Variants in HDAC4 observed in about 807,000 individuals in gnomAD.
HDAC4 encodes the protein histone deacetylase 4.
A neutral mutation model predicts 135.1 loss-of-function variants in HDAC4; 16 were observed. That is an observed-to-expected ratio of 0.12 (90% CI 0.08 to 0.18). HDAC4 has a LOEUF of 0.18. HDAC4 is among the 10% of genes least tolerant of loss of function. The pLI is 1.00. For synonymous variants in HDAC4, 685 were observed against 653.4 expected (o/e 1.05, Z -0.74); for missense variants, 1,143 against 1,511.8 (o/e 0.76, Z 4.05).
intron 3 of HDAC4, among the ~76,000 whole-genome samples, chr2:239,193,476 G>A (rs529923596): frequency 2.6e-5 from 4 of 152,376 alleles, no homozygotes; most frequent in South Asian, 2.1e-4. Context: ...CTGGGGCGCC[G>A]AGGAGCACAG....
chr2:239,175,342 C>T (rs2043692557), intron 5 of HDAC4, among the ~76,000 whole-genome samples: 1 of 152,224 alleles, frequency 6.6e-6, no homozygotes, highest in Non-Finnish European at 1.5e-5. Flanking sequence ...ACCCCGGGGA[C>T]ACGCCAGGGC....
At chr2:239,152,430 G>A (rs2042171177) in intron 7 of HDAC4, among the ~76,000 whole-genome samples, 1 of 152,244 alleles carries the variant, frequency 6.6e-6, no homozygotes, top group Non-Finnish European at 1.5e-5. Context: ...ACCTCACCCT[G>A]GGCCGAAATC....
rs549052888 is a variant in HDAC4 at position 239,287,545 on chromosome 2, A to G, written c.23-50881T>C. ...TTGTATGCACCCAATGCCTACTTCA[A>G]GGGAACTGTGTAGCTTATAACAGAA... On this transcript the variant is annotated intron_variant, in intron 2 of 26. Coordinates refer to ENST00000543185, the MANE Select transcript of HDAC4 (RefSeq NM_001378414.1). 6.6e-5 allele frequency among the ~76,000 whole-genome samples: 10 copies of G among 152,344 alleles called. No homozygotes were observed. In the East Asian group the frequency reaches 1.7e-3, roughly 26 times the overall value.
At chr2:239,359,533 C>T (rs1429540165) in intron 1 of HDAC4, among the ~76,000 whole-genome samples, 1 of 152,186 alleles carries the variant, frequency 6.6e-6, no homozygotes, top group Non-Finnish European at 1.5e-5. Flanking sequence ...TAGGATAGGC[C>T]GAGATGACAG....
intron 25 of HDAC4, 144 bp from the exon 26 acceptor site, chr2:239,053,745 G>C: frequency 1.5e-6 from 1 of 677,368 alleles, no homozygotes. Context: ...GAAGAGACAC[G>C]AAGCAGAAGA....
chr2:239,375,147 T>C lies in HDAC4; in HGVS notation c.-219-22229A>G, dbSNP rs531722446. ...ACAGAGCTGTGAAGAACACTGACAT[T>C]GGGAACCAGGCAGCAGGAACGCCCA... On this transcript the variant is annotated intron_variant, in intron 1 of 26. Coordinates refer to ENST00000543185, the MANE Select transcript of HDAC4 (RefSeq NM_001378414.1). 2.0e-5 allele frequency among the ~76,000 whole-genome samples: 3 copies of C among 152,214 alleles called. 1 individual carries two copies. The highest frequency in any genetic ancestry group is 4.4e-5 in the Non-Finnish European group (3 of 68,006).
At chr2:239,399,500 G>C (rs980711499) in intron 1 of HDAC4, among the ~76,000 whole-genome samples, 5 of 152,060 alleles carry the variant, frequency 3.3e-5, no homozygotes, top group African/African-American at 1.2e-4. Flanking sequence ...ATAATGCACA[G>C]AATTATCAGA....
chr2:239,209,494 G>A (rs951436067), intron 3 of HDAC4, among the ~76,000 whole-genome samples: 3 of 152,166 alleles, frequency 2.0e-5, no homozygotes, highest in Admixed American at 6.5e-5. Context: ...GATGGGATTC[G>A]TCCCTATTCA....
intron 3 of HDAC4, among the ~76,000 whole-genome samples, chr2:239,219,444 G>T (rs544859955): frequency 1.5e-5 from 2 of 132,704 alleles, no homozygotes; most frequent in African/African-American, 5.7e-5. Flanking sequence ...ACAGGAAGGG[G>T]AACATCACAC....
chr2:239,087,251 AGTG>A (rs2036063493), intron 19 of HDAC4, among the ~76,000 whole-genome samples: 11 of 152,150 alleles, frequency 7.2e-5, no homozygotes, highest in Non-Finnish European at 1.5e-4. Context: ...CTTGAGGGTG[AGTG>A]GTGTTTCCTC....
chr2:239,289,807 T>TTA (rs2051358740), intron 2 of HDAC4, among the ~76,000 whole-genome samples: 1 of 152,216 alleles, frequency 6.6e-6, no homozygotes, highest in South Asian at 2.1e-4. Context: ...ATGCCCCTGG[T>TTA]TATAACCCTC....
At chr2:239,211,562 C>T (rs1234430764) in intron 3 of HDAC4, among the ~76,000 whole-genome samples, 2 of 152,250 alleles carry the variant, frequency 1.3e-5, no homozygotes, top group Admixed American at 6.5e-5. Context: ...TTTCTCACCT[C>T]ACTTGGCTTA....
intron 2 of HDAC4, among the ~76,000 whole-genome samples, chr2:239,317,971 A>T (rs553048513): frequency 6.6e-6 from 1 of 151,824 alleles, no homozygotes; most frequent in Non-Finnish European, 1.5e-5. Context: ...CTTAAAAGTC[A>T]GTTTCCAAGA....
At chr2:239,265,806 C>T (rs2049688647) in intron 2 of HDAC4, among the ~76,000 whole-genome samples, 1 of 152,226 alleles carries the variant, frequency 6.6e-6, no homozygotes, top group African/African-American at 2.4e-5. Flanking sequence ...TAAGGTTATG[C>T]ATGAGCTCAA....
chr2:239,268,294 A>G (rs1203759635), intron 2 of HDAC4, among the ~76,000 whole-genome samples: 2 of 152,022 alleles, frequency 1.3e-5, no homozygotes, highest in Non-Finnish European at 2.9e-5. Flanking sequence ...CCCCACTGAC[A>G]GCCCTAGGCA....
intron 12 of HDAC4, among the ~76,000 whole-genome samples, chr2:239,120,382 G>GGCACATACAGAC (rs1553622791): frequency 1.0e-4 from 15 of 150,064 alleles, no homozygotes; most frequent in African/African-American, 3.4e-4. Context: ...TACCCGCAGA[G>GGCACATACAGAC]GCACACACAG....
Position 239,303,604 on chromosome 2 carries a change from T to G in HDAC4, c.22+49074A>C, listed in dbSNP as rs1211434027. On this transcript the variant is annotated intron_variant, in intron 2 of 26. Transcript: ENST00000543185. The surrounding 1 kb of genome is among the most constrained non-coding windows in gnomAD (Gnocchi z 5.1). ...CTCTGTTTTCTTTCTTTCTTTTTTTTTTTTAATTCACAATTGAGGAAACCA... is the reference window on the plus strand; with the variant it reads ...CTCTGTTTTCTTTCTTTCTTTTTTTGTTTTAATTCACAATTGAGGAAACCA... 2.0e-5 allele frequency among the ~76,000 whole-genome samples: 3 copies of G among 152,150 alleles called. No homozygotes were observed. The highest frequency in any genetic ancestry group is 7.2e-5 in the African/African-American group (3 of 41,454).
intron 9 of HDAC4, among the ~76,000 whole-genome samples, chr2:239,135,300 G>T (rs2040872938): frequency 6.6e-6 from 1 of 152,110 alleles, no homozygotes; most frequent in Non-Finnish European, 1.5e-5. Flanking sequence ...ACGAAAGGTG[G>T]GCAATGATGA....
At chr2:239,194,145 A>G (rs1030229599) in intron 3 of HDAC4, among the ~76,000 whole-genome samples, 1 of 152,200 alleles carries the variant, frequency 6.6e-6, no homozygotes, top group African/African-American at 2.4e-5. Flanking sequence ...GCTCACTTGG[A>G]TGCCAAGGAG....
Sources: allele counts gnomAD v4.1 joint callset (sites outside exome capture counted in the v4.1 genomes callset), GRCh38; gene constraint gnomAD v4.1.1; non-coding constraint Gnocchi (gnomAD v3.1); transcripts MANE v1.5; gene names NCBI Gene and HGNC (gene_info 2026-07-23, HGNC 2026-07-21).